Variants in CDC42 observed in about 807,000 individuals in gnomAD.
CDC42 encodes cell division control protein 42 homolog.
CDC42 carries 1 observed loss-of-function variant against 20.8 expected under a neutral mutation model. The ratio of observed to expected loss-of-function variants is 0.05; its 90% CI spans 0.02 to 0.23. The LOEUF is 0.23. CDC42 is among the 10% of genes least tolerant of loss of function. The probability of loss-of-function intolerance (pLI) is 1.00; values close to 1 mark genes in which losing one functional copy is unlikely to be tolerated. For missense variants in CDC42, 49 were observed against 227.9 expected (o/e 0.21, Z 5.05); for synonymous variants, 72 against 84.8 (o/e 0.85, Z 0.83).
At chr1:22,082,875 A>ATTTTTTT (rs3036839) in intron 3 of CDC42, among the ~76,000 whole-genome samples, 4 of 140,210 alleles carry the variant, frequency 2.9e-5, no homozygotes, top group Non-Finnish European at 4.6e-5. Context: ...CACAGAGAAA[A>ATTTTTTT]TTTTTATTTT....
intron 1 of CDC42, among the ~76,000 whole-genome samples, chr1:22,070,230 C>T (rs1329525963): frequency 6.6e-6 from 1 of 152,076 alleles, no homozygotes; most frequent in Non-Finnish European, 1.5e-5. Flanking sequence ...ATTCAAAGAC[C>T]TTTGCTAACA....
At chr1:22,074,502 T>C (rs1645526982) in intron 1 of CDC42, among the ~76,000 whole-genome samples, 1 of 152,172 alleles carries the variant, frequency 6.6e-6, no homozygotes, top group African/African-American at 2.4e-5. Context: ...CTTATATATA[T>C]TGTAAAACCC....
intron 3 of CDC42, among the ~76,000 whole-genome samples, chr1:22,083,354 G>A (rs567427285): frequency 1.5e-4 from 23 of 152,090 alleles, no homozygotes; most frequent in Non-Finnish European, 3.1e-4. Context: ...TGTAATTGCA[G>A]CACTTTGGGA....
At chr1:22,087,617 T>C (rs1645674193) in intron 5 of CDC42, among the ~76,000 whole-genome samples, 1 of 152,202 alleles carries the variant, frequency 6.6e-6, no homozygotes, top group Non-Finnish European at 1.5e-5. Context: ...GAAAAGGTTA[T>C]GGAAATAATT....
intron 1 of CDC42, among the ~76,000 whole-genome samples, chr1:22,070,356 G>A (rs1432875621): frequency 1.3e-5 from 2 of 151,028 alleles, no homozygotes; most frequent in African/African-American, 4.9e-5. Context: ...GCAAGCATTA[G>A]GTCATAGCCT....
chr1:22,078,841 G>A, intron 2 of CDC42: 1 of 1,386,148 alleles, frequency 7.2e-7, no homozygotes, highest in Non-Finnish European at 9.5e-7. Flanking sequence ...AACGAGTGGT[G>A]GTCTCAATTT....
At position 22,097,778 on chromosome 1, in the gene CDC42, C is replaced by G. The variant is rs1367632001; in HGVS notation, c.*6261C>G. Among the ~76,000 whole-genome samples the G allele has an allele frequency of 6.6e-6, 1 of 152,192 alleles. No individual in the cohort carries two copies. The highest frequency in any genetic ancestry group is 2.4e-5 in the African/African-American group (1 of 41,442). On this transcript the variant is annotated 3_prime_UTR_variant, in exon 6 of 6. Transcript: ENST00000656825. ...CGTTATAGAAAAATGTGAAGTATGT[C>G]TAATAAAGGAGTACAGTGGAAGGTT...
chr1:22,094,970 G>A lies in CDC42; in HGVS notation c.*3453G>A, dbSNP rs995443144. 6.6e-6 allele frequency among the ~76,000 whole-genome samples: 1 copy of A among 152,124 alleles called. No homozygotes were observed. The highest frequency in any genetic ancestry group is 1.5e-5 in the Non-Finnish European group (1 of 68,014). Reference sequence around the variant, plus strand: ...TGGTTATTTTGGTGCTGGGTGCTAAGAAACTCGCAAAACAAGGGCCCTGCT... The same window carrying A: ...TGGTTATTTTGGTGCTGGGTGCTAAAAAACTCGCAAAACAAGGGCCCTGCT... On this transcript the variant is annotated 3_prime_UTR_variant, in exon 6 of 6. Coordinates refer to ENST00000656825, the MANE Select transcript of CDC42 (RefSeq NM_001791.4).
At chr1:22,055,222 A>C (rs1470336328) in intron 1 of CDC42, among the ~76,000 whole-genome samples, 2 of 151,386 alleles carry the variant, frequency 1.3e-5, no homozygotes, top group African/African-American at 4.8e-5. Flanking sequence ...CAAAGTGCTG[A>C]GATTACAGGC....
intron 1 of CDC42, among the ~76,000 whole-genome samples, chr1:22,067,690 A>G (rs1035871311): frequency 6.6e-5 from 10 of 152,062 alleles, no homozygotes; most frequent in Non-Finnish European, 1.2e-4. Context: ...TGCAAGGGGT[A>G]GGGGAGCTCT....
At chr1:22,056,234 CTG>C (rs1225124342) in intron 1 of CDC42, among the ~76,000 whole-genome samples, 1 of 152,138 alleles carries the variant, frequency 6.6e-6, no homozygotes, top group African/African-American at 2.4e-5. Flanking sequence ...GGCCTTTTTG[CTG>C]TGTTTCCTGA....
At chr1:22,089,322 G>A (rs983281550) in intron 5 of CDC42, among the ~76,000 whole-genome samples, 9 of 152,292 alleles carry the variant, frequency 5.9e-5, no homozygotes, top group East Asian at 5.8e-4. Context: ...TACCCATGCA[G>A]ACATCTTAAA....
chr1:22,090,042 T>C (rs761529319), intron 5 of CDC42: 1 of 1,613,318 alleles, frequency 6.2e-7, no homozygotes. Flanking sequence ...AACTGTTTTC[T>C]CCTTCCCTTC....
In CDC42 at chr1:22,091,782, TGTG is replaced by T. The variant is rs1405550146; in HGVS notation, c.*266_*268del. 3 of 118,948 alleles carry T rather than the reference TGTG, an allele frequency of 2.5e-5. No homozygotes were observed. The highest frequency in any genetic ancestry group is 4.6e-5 in the Non-Finnish European group (3 of 65,220). The allele number at this position is 118,948 out of a possible 1,614,324, so 7.4% of individuals were successfully genotyped here. On this transcript the variant is annotated 3_prime_UTR_variant, in exon 6 of 6. Coordinates refer to ENST00000656825, the MANE Select transcript of CDC42 (RefSeq NM_001791.4). Reference sequence around the variant, plus strand: ...TTTGTTGTTTCAAAAAAAAAATTTTTGTGTGTGTGTGTTTTTTTTTTTTTTTTT... The same window carrying T: ...TTTGTTGTTTCAAAAAAAAAATTTTTTGTGTGTGTTTTTTTTTTTTTTTTT...
intron 1 of CDC42, among the ~76,000 whole-genome samples, chr1:22,070,351 C>T (rs997349144): frequency 2.6e-5 from 4 of 151,610 alleles, no homozygotes; most frequent in Non-Finnish European, 5.9e-5. Context: ...TCCAAGCAAG[C>T]ATTAGGTCAT....
At chr1:22,067,905 GAGA>G (rs1265431619) in intron 1 of CDC42, among the ~76,000 whole-genome samples, 1 of 152,140 alleles carries the variant, frequency 6.6e-6, no homozygotes, top group African/African-American at 2.4e-5. Flanking sequence ...AAAGGTCTCA[GAGA>G]AGGAGAGGTT....
rs1557910832 is a variant in CDC42, at chr1:22,094,293, G to GTTTTTTTTTTTT, written c.*2776_*2777insTTTTTTTTTTTT. 1.4e-4 allele frequency among the ~76,000 whole-genome samples: 4 copies of GTTTTTTTTTTTT among 27,716 alleles called. No individual in the cohort carries two copies. Among genetic ancestry groups the GTTTTTTTTTTTT allele is most frequent in the African/African-American group, 4.5e-4 (2 of 4,450 alleles). 18.2% of individuals were successfully genotyped at this position (27,716 alleles called of 152,430 possible). A position where few individuals can be genotyped will look rare whatever the true frequency, so the allele number is the denominator to read the frequency against. On this transcript the variant is annotated 3_prime_UTR_variant, in exon 6 of 6. Transcript: ENST00000656825. ...TGTTTTACTGAACATCCTAGAAATA[G>GTTTTTTTTTTTT]ATTTTTTTTTTTTTTTTTTTTTGAG...
intron 1 of CDC42, among the ~76,000 whole-genome samples, chr1:22,067,146 C>T (rs16826399): frequency 2.0e-5 from 3 of 152,048 alleles, no homozygotes; most frequent in African/African-American, 7.2e-5. Flanking sequence ...AGAAGAAGGG[C>T]CTTGCCATGG....
At chr1:22,063,100 G>GT (rs16830933) in intron 1 of CDC42, among the ~76,000 whole-genome samples, 254 of 151,524 alleles carry the variant, frequency 1.7e-3, no homozygotes, top group African/African-American at 5.0e-3. Flanking sequence ...TGGACTCATA[G>GT]TTTTTTTTTG....
Sources: allele counts gnomAD v4.1 joint callset (sites outside exome capture counted in the v4.1 genomes callset), GRCh38; gene constraint gnomAD v4.1.1; transcripts MANE v1.5; gene names NCBI Gene and HGNC (gene_info 2026-07-23, HGNC 2026-07-21).